KCNMA1: variants seen among roughly 807,000 people sequenced by gnomAD.
The protein encoded by KCNMA1 is Calcium-activated potassium channel subunit alpha-1.
Under a neutral mutation model 140.0 loss-of-function variants are expected in KCNMA1, and 29 were observed. The ratio of observed to expected loss-of-function variants is 0.21; its 90% CI spans 0.15 to 0.28. The LOEUF (loss-of-function observed/expected upper bound fraction) is 0.28. KCNMA1 is among the 10% of genes least tolerant of loss of function. KCNMA1 has a pLI of 1.00. For missense variants in KCNMA1, 880 were observed against 1,602.2 expected, an observed-to-expected ratio of 0.55 and a Z score of 7.70; for synonymous variants, 612 against 611.9, an observed-to-expected ratio of 1.00 and a Z score of 0.00.
At chr10:77,012,316 G>A in intron 17 of KCNMA1, 1 of 1,465,724 alleles carries the variant, frequency 6.8e-7, no homozygotes, top group Non-Finnish European at 9.0e-7. Context: ...GACACACTGT[G>A]TCTGCTCATT....
chr10:77,444,534 G>A (rs4980145), intron 1 of KCNMA1, among the ~76,000 whole-genome samples: 9,535 of 152,202 alleles, frequency 0.063, 1,003 homozygotes, highest in African/African-American at 0.22. Flanking sequence ...AGCCACTTTA[G>A]TTTGTCACAT....
At chr10:77,476,873 C>T (rs773226693) in intron 1 of KCNMA1, among the ~76,000 whole-genome samples, 1 of 152,200 alleles carries the variant, frequency 6.6e-6, no homozygotes, top group African/African-American at 2.4e-5. Flanking sequence ...TTGAGTACTT[C>T]CTATGTGTTA....
chr10:77,494,574 C>T (rs1375242897), intron 1 of KCNMA1, among the ~76,000 whole-genome samples: 1 of 152,218 alleles, frequency 6.6e-6, no homozygotes, highest in Non-Finnish European at 1.5e-5. Flanking sequence ...CCTTTCACCA[C>T]CCAGATGGGG....
At chr10:77,509,778 A>G (rs1320426186) in intron 1 of KCNMA1, among the ~76,000 whole-genome samples, 1 of 152,312 alleles carries the variant, frequency 6.6e-6, no homozygotes, top group East Asian at 1.9e-4. Context: ...ACAAAAATTA[A>G]CGTTATGTTT....
chr10:77,505,905 G>C (rs111358413), intron 1 of KCNMA1, among the ~76,000 whole-genome samples: 175 of 152,298 alleles, frequency 1.1e-3, no homozygotes, highest in African/African-American at 3.7e-3. Flanking sequence ...AGTACTGCAA[G>C]AGTCCAAGCA....
intron 23 of KCNMA1, among the ~76,000 whole-genome samples, chr10:76,941,385 C>G (rs2062340378): frequency 6.6e-6 from 1 of 152,156 alleles, no homozygotes; most frequent in Admixed American, 6.5e-5. Context: ...CAGGGAAACT[C>G]AGCTCACAGA....
intron 1 of KCNMA1, among the ~76,000 whole-genome samples, chr10:77,578,993 C>A (rs2075078221): frequency 6.6e-6 from 1 of 152,210 alleles, no homozygotes; most frequent in African/African-American, 2.4e-5. Context: ...TGCTGAGCGC[C>A]CAGCTGCCAA....
At chr10:76,892,787 G>A (rs2040744405) in intron 25 of KCNMA1, among the ~76,000 whole-genome samples, 1 of 152,102 alleles carries the variant, frequency 6.6e-6, no homozygotes, top group African/African-American at 2.4e-5. Context: ...TTTCTCGTCT[G>A]TAAAATAACA....
chr10:77,108,583 A>G lies in KCNMA1; in HGVS notation c.1132-11T>C. 1 of 1,602,658 alleles carries G rather than the reference A, an allele frequency of 6.2e-7. No homozygotes were observed. Among genetic ancestry groups the G allele is most frequent in the Non-Finnish European group, 8.5e-7 (1 of 1,170,388 alleles). ...GCTGGCAAACATGGCCTGAGAAGAT[A>G]GGAGACAGAAGAGAGACTAAAAAGA... On this transcript the variant is annotated splice_polypyrimidine_tract_variant and intron_variant, in intron 8 of 27. Transcript: ENST00000286628. This position sits in a 1 kb window ranked among gnomAD's most constrained non-coding sequence, Gnocchi z 4.6.
intron 1 of KCNMA1, among the ~76,000 whole-genome samples, chr10:77,500,128 T>A (rs1217177025): frequency 6.6e-6 from 1 of 151,466 alleles, no homozygotes; most frequent in African/African-American, 2.4e-5. Flanking sequence ...AAAATTTAAA[T>A]ATCTATTACA....
At position 77,477,151 on chromosome 10, in the gene KCNMA1, C is replaced by T. The variant is rs539882698; in HGVS notation, c.379-73128G>A. Reference sequence around the variant, plus strand: ...ATCTGTGCCATGGAGATAATACCAACTTCGTGGATCCCACAGGGGTTGCCA... The same window carrying T: ...ATCTGTGCCATGGAGATAATACCAATTTCGTGGATCCCACAGGGGTTGCCA... On this transcript the variant is annotated intron_variant, in intron 1 of 27. Transcript: ENST00000286628. Among the ~76,000 whole-genome samples, 4 of 152,372 alleles carry T rather than the reference C, an allele frequency of 2.6e-5. No individual in the cohort carries two copies. The East Asian group carries it at 7.7e-4, about 29-fold the overall frequency.
intron 19 of KCNMA1, among the ~76,000 whole-genome samples, chr10:76,999,841 C>T (rs1400103116): frequency 6.6e-6 from 1 of 152,156 alleles, no homozygotes; most frequent in Non-Finnish European, 1.5e-5. Flanking sequence ...GAGAATGACT[C>T]TCTGGTCCTA....
At chr10:77,084,810 A>T in intron 11 of KCNMA1, 91 bp from the exon 12 acceptor site, 1 of 879,898 alleles carries the variant, frequency 1.1e-6, no homozygotes, top group Non-Finnish European at 1.8e-6. Flanking sequence ...TTCTTGGGGA[A>T]GCTTTGCAAA....
rs140725785 is a variant in KCNMA1, at chr10:77,048,986, G to A, written c.1750-9349C>T. Among the ~76,000 whole-genome samples the A allele has an allele frequency of 4.5e-3, 686 of 152,132 alleles. 7 individuals carry two copies. The highest frequency in any genetic ancestry group is 0.016 in the African/African-American group (666 of 41,520). On this transcript the variant is annotated intron_variant, in intron 14 of 27. Transcript: ENST00000286628. ...TCACTGTGTTAGCCAAGATGGTCTC[G>A]ATCTCCTGACCTGGAGATCCACCCG... is the stretch of plus-strand genomic sequence containing the variant.
intron 23 of KCNMA1, among the ~76,000 whole-genome samples, chr10:76,925,911 C>T (rs911907404): frequency 2.6e-5 from 4 of 152,186 alleles, no homozygotes; most frequent in African/African-American, 4.8e-5. Flanking sequence ...AAAGCAGAAT[C>T]GCATCAACAA....
intron 2 of KCNMA1, among the ~76,000 whole-genome samples, chr10:77,306,030 G>A (rs576215849): frequency 2.0e-5 from 3 of 152,136 alleles, no homozygotes; most frequent in African/African-American, 7.2e-5. Context: ...GATGTCTGGG[G>A]CTCACTTCAC....
At chr10:77,315,734 T>C (rs2080684603) in intron 2 of KCNMA1, 1 of 152,194 alleles carries the variant, frequency 6.6e-6, no homozygotes, top group Non-Finnish European at 1.5e-5. Flanking sequence ...ACCAAAGAAG[T>C]GCTGCCTTTA....
chr10:77,466,404 C>T (rs1276849238), intron 1 of KCNMA1, among the ~76,000 whole-genome samples: 3 of 152,154 alleles, frequency 2.0e-5, no homozygotes, highest in African/African-American at 7.2e-5. Context: ...GGTTAGAGAG[C>T]CCAAACGATG....
intron 1 of KCNMA1, among the ~76,000 whole-genome samples, chr10:77,480,878 G>A (rs1356866886): frequency 6.6e-6 from 1 of 151,968 alleles, no homozygotes; most frequent in Non-Finnish European, 1.5e-5. Flanking sequence ...GGGAGGCGGA[G>A]GTGGGCAGAT....
Sources: gnomAD v4.1 joint callset for allele counts (sites outside exome capture counted in the v4.1 genomes callset) on GRCh38, gnomAD v4.1.1 for gene constraint, Gnocchi (gnomAD v3.1) non-coding constraint, MANE v1.5 for transcripts, NCBI Gene and HGNC (gene_info 2026-07-23, HGNC 2026-07-21) for gene names.